The following ARHGAP25 variants were observed in gnomAD, a reference collection of about 807,000 sequenced individuals.
ARHGAP25 encodes the protein rho GTPase-activating protein 25.
In ARHGAP25, 34 loss-of-function variants were observed where a neutral mutation model predicts 71.0. That is an observed-to-expected ratio of 0.48 (90% confidence interval 0.36 to 0.64). The LOEUF is 0.64. Ranked by LOEUF, ARHGAP25 falls within the 30% of genes least tolerant of loss-of-function variation. The pLI, the probability that ARHGAP25 is intolerant of heterozygous loss-of-function variation, is 0.00. For synonymous variants in ARHGAP25, 282 were observed against 296.5 expected (o/e 0.95, Z 0.50); for missense variants, 706 against 805.1 (o/e 0.88, Z 1.49).
intron 5 of ARHGAP25, among the ~76,000 whole-genome samples, chr2:68,810,900 C>A (rs890661357): frequency 2.0e-5 from 3 of 152,112 alleles, no homozygotes; most frequent in Non-Finnish European, 2.9e-5. Flanking sequence ...TGCCACCACG[C>A]CCAGCCAATT....
At position 68,826,103 on chromosome 2, in the gene ARHGAP25, C is replaced by T. The variant is rs766080124; in HGVS notation, c.1850C>T (p.Ser617Phe). The change falls in exon 11 of 11, where the codon TCC becomes TTC. Residue 617 changes from serine to phenylalanine, a missense_variant. Coordinates refer to ENST00000409202, the MANE Select transcript of ARHGAP25 (RefSeq NM_001007231.3). ...LEISLRNMER[S>F]REDVEKRNKA... ...ATCAGCCTCCGCAACATGGAGCGCT[C>T]CCGGGAGGATGTTGAGAAGAGGAAC... 1.2e-6 allele frequency: 2 copies of T among 1,614,002 alleles called. No individual in the cohort carries two copies. The highest frequency in any genetic ancestry group is 1.7e-6 in the Non-Finnish European group (2 of 1,179,992).
At chr2:68,763,972 C>T (rs1676977764) in intron 1 of ARHGAP25, among the ~76,000 whole-genome samples, 1 of 152,052 alleles carries the variant, frequency 6.6e-6, no homozygotes, top group African/African-American at 2.4e-5. Context: ...TGATGATTAC[C>T]ATAGTCCAGT....
chr2:68,813,232 A>T (rs1370159240), intron 5 of ARHGAP25, 55 bp from the exon 6 acceptor site: 8 of 1,554,216 alleles, frequency 5.1e-6, no homozygotes, highest in Non-Finnish European at 8.7e-7. Context: ...AGAGAGGAAC[A>T]TCCTAAAGTT....
rs530812072 is a variant in ARHGAP25 at position 68,811,527 on chromosome 2, T to A, written c.675-1760T>A. Among the ~76,000 whole-genome samples, 10 of 152,282 alleles carry A rather than the reference T, an allele frequency of 6.6e-5. No individual in the cohort carries two copies. In the East Asian group the frequency reaches 1.9e-3, roughly 29 times the overall value. On this transcript the variant is annotated intron_variant, in intron 5 of 10. Transcript: ENST00000409202. ...CTCAGCAGGGAAGGATTTTCCAGAA[T>A]CCCCATGTTAAATGAATGGTTCCTA...
At chr2:68,789,241 T>C (rs1049563340) in intron 4 of ARHGAP25, among the ~76,000 whole-genome samples, 1 of 152,132 alleles carries the variant, frequency 6.6e-6, no homozygotes, top group African/African-American at 2.4e-5. Context: ...GGTTTCACCA[T>C]GTTGGCCAGG....
chr2:68,735,194 A>G lies in ARHGAP25; in HGVS notation c.-6A>G, dbSNP rs777782049. ...TCACTAACTACTCACTTAAACTGGAAGCAAAATGTCCCTAAAATTGCCAAG... is the reference window on the plus strand; with the variant it reads ...TCACTAACTACTCACTTAAACTGGAGGCAAAATGTCCCTAAAATTGCCAAG... On this transcript the variant is annotated 5_prime_UTR_variant, in exon 1 of 11. Coordinates refer to ENST00000409202, the MANE Select transcript of ARHGAP25 (RefSeq NM_001007231.3). 1 of 1,613,800 alleles carries G rather than the reference A, an allele frequency of 6.2e-7. No homozygotes were observed. Among genetic ancestry groups the G allele is most frequent in the Non-Finnish European group, 8.5e-7 (1 of 1,179,634 alleles).
At chr2:68,817,527 G>C (rs1681322511) in intron 7 of ARHGAP25, among the ~76,000 whole-genome samples, 1 of 152,160 alleles carries the variant, frequency 6.6e-6, no homozygotes, top group South Asian at 2.1e-4. Flanking sequence ...TGAGAGCTGG[G>C]AGATAAGCCT....
chr2:68,761,857 A>G (rs985225558), intron 1 of ARHGAP25, among the ~76,000 whole-genome samples: 8 of 152,228 alleles, frequency 5.3e-5, no homozygotes, highest in African/African-American at 1.9e-4. Context: ...TAGAATTACT[A>G]TCTGATCCCA....
At chr2:68,772,158 T>C (rs1028854956) in intron 1 of ARHGAP25, among the ~76,000 whole-genome samples, 8 of 152,250 alleles carry the variant, frequency 5.3e-5, no homozygotes, top group Admixed American at 2.0e-4. Context: ...AGTGAATTCT[T>C]TCCAATCTGT....
In ARHGAP25 at chr2:68,735,216, C is replaced by A. The variant is rs567650354; in HGVS notation, c.17C>A (p.Pro6Gln). MSLKL[P>Q]RNWDFNLKVE... ...GGAAGCAAAATGTCCCTAAAATTGC[C>A]AAGGAACTGGGATTTCAACCTGAAA... The change falls in exon 1 of 11, where the codon CCA (proline) becomes CAA (glutamine). Residue 6 changes from proline (P) to glutamine (Q), a missense_variant. Physicochemically the swap from Pro to Gln is moderately conservative, Grantham distance 76. Coordinates refer to ENST00000409202, the MANE Select transcript of ARHGAP25 (RefSeq NM_001007231.3). 6.2e-7 allele frequency: 1 copy of A among 1,614,098 alleles called. No homozygotes were observed. Among genetic ancestry groups the A allele is most frequent in the East Asian group, 2.2e-5 (1 of 44,890 alleles).
chr2:68,746,862 G>A (rs1298600111), intron 1 of ARHGAP25, among the ~76,000 whole-genome samples: 1 of 151,958 alleles, frequency 6.6e-6, no homozygotes, highest in Non-Finnish European at 1.5e-5. Flanking sequence ...CAAAAAATTA[G>A]CTGGGTGTAG....
chr2:68,761,870 A>G (rs1676844629), intron 1 of ARHGAP25, among the ~76,000 whole-genome samples: 2 of 152,222 alleles, frequency 1.3e-5, no homozygotes, highest in African/African-American at 2.4e-5. Context: ...TGATCCCACA[A>G]TTCCGCATCT....
chr2:68,754,921 T>C (rs1477376492), intron 1 of ARHGAP25, among the ~76,000 whole-genome samples: 1 of 144,634 alleles, frequency 6.9e-6, no homozygotes, highest in African/African-American at 2.6e-5. Flanking sequence ...TTCTTATTGT[T>C]GAGTTTTGTC....
At chr2:68,743,350 G>A (rs1209602572) in intron 1 of ARHGAP25, among the ~76,000 whole-genome samples, 1 of 55,214 alleles carries the variant, frequency 1.8e-5, no homozygotes, top group African/African-American at 6.0e-5. Context: ...AGCAATGGCA[G>A]AGCAGTTTTT....
At chr2:68,814,661 ATAGCACCC>A (rs921760910) in intron 6 of ARHGAP25, among the ~76,000 whole-genome samples, 8 of 152,246 alleles carry the variant, frequency 5.3e-5, no homozygotes, top group Non-Finnish European at 1.2e-4. Context: ...GAATGAAGAA[ATAGCACCC>A]TAGCCCTGCA....
At position 68,824,705 on chromosome 2, in the gene ARHGAP25, G is replaced by A. The variant is rs866604316; in HGVS notation, c.1734-1282G>A. ...TGCAGTGAGCCGAGATCATGCCACT[G>A]CACTCCAGCCTGGGCAACAGAGCGA... On this transcript the variant is annotated intron_variant, in intron 10 of 10. Transcript: ENST00000409202. Among the ~76,000 whole-genome samples, 5 of 152,160 alleles carry A rather than the reference G, an allele frequency of 3.3e-5. No homozygotes were observed. In the Middle Eastern group the frequency reaches 0.014, roughly 414 times the overall value.
intron 2 of ARHGAP25, among the ~76,000 whole-genome samples, chr2:68,718,018 T>C (rs1674659539): frequency 6.6e-6 from 1 of 152,114 alleles, no homozygotes; most frequent in East Asian, 1.9e-4. Context: ...CAACAGATAA[T>C]TCACTTGGTG....
intron 4 of ARHGAP25, among the ~76,000 whole-genome samples, chr2:68,790,624 T>C (rs1033228708): frequency 2.6e-5 from 4 of 152,164 alleles, no homozygotes; most frequent in Non-Finnish European, 5.9e-5. Flanking sequence ...ACTTTCTTTT[T>C]CCAACCAGAG....
In ARHGAP25 at chr2:68,783,905, C is replaced by T. The variant is rs922150082; in HGVS notation, c.349+1585C>T. Among the ~76,000 whole-genome samples the T allele has an allele frequency of 7.2e-5, 11 of 152,192 alleles. No individual in the cohort carries two copies. The East Asian group carries it at 2.1e-3, about 29-fold the overall frequency. ...GTTATTCTGTTCTTAGGATGCTTCT[C>T]CCAGTGCAATTCATGGGACACAACC... On this transcript the variant is annotated intron_variant, in intron 3 of 10. Transcript: ENST00000409202.
Sources: gnomAD v4.1 joint callset for allele counts (sites outside exome capture counted in the v4.1 genomes callset) on GRCh38, gnomAD v4.1.1 for gene constraint, MANE v1.5 for transcripts, NCBI Gene and HGNC (gene_info 2026-07-23, HGNC 2026-07-21) for gene names.